Variants in MMEL1 observed in about 807,000 individuals in gnomAD.
MMEL1 encodes membrane metalloendopeptidase like 1, also known as membrane metallo-endopeptidase-like 1.
A neutral mutation model predicts 117.1 loss-of-function variants in MMEL1; 98 were observed. The ratio of observed to expected loss-of-function variants is 0.84; its 90% CI spans 0.71 to 0.99. The LOEUF (loss-of-function observed/expected upper bound fraction) is 0.99, where lower values mean the gene tolerates loss of function less well. MMEL1 is among the 50% of genes least tolerant of loss of function. MMEL1 has a pLI of 0.00. For missense variants in MMEL1, 1,014 were observed against 1,049.1 expected, an observed-to-expected ratio of 0.97 and a Z score of 0.46; for synonymous variants, 390 against 415.1, an observed-to-expected ratio of 0.94 and a Z score of 0.74.
chr1:2,607,475 T>C (rs1280296945), intron 6 of MMEL1, among the ~76,000 whole-genome samples: 4 of 41,428 alleles, frequency 9.7e-5, no homozygotes, highest in Non-Finnish European at 1.5e-4. Flanking sequence ...GTGGGTGGGC[T>C]GGGAGGGGGC....
At chr1:2,606,885 GT>G in intron 7 of MMEL1, 88 bp downstream of exon 7, 2 of 1,213,858 alleles carry the variant, frequency 1.6e-6, no homozygotes, top group Non-Finnish European at 2.4e-6. Flanking sequence ...TGGGGGTGGG[GT>G]CCCCTCCTGG....
At chr1:2,621,677 C>A (rs1181103255) in intron 2 of MMEL1, among the ~76,000 whole-genome samples, 1 of 152,122 alleles carries the variant, frequency 6.6e-6, no homozygotes, top group Non-Finnish European at 1.5e-5. Context: ...GATTCTCCTG[C>A]CTCAGCCTCC....
At chr1:2,610,414 C>T (rs976560596) in intron 4 of MMEL1, among the ~76,000 whole-genome samples, 11 of 152,144 alleles carry the variant, frequency 7.2e-5, no homozygotes, top group Non-Finnish European at 1.3e-4. Flanking sequence ...GGAACACCAG[C>T]GGTCTGACTT....
At chr1:2,604,503 T>C in intron 9 of MMEL1, among the ~76,000 whole-genome samples, 1 of 152,192 alleles carries the variant, frequency 6.6e-6, no homozygotes, top group Admixed American at 6.5e-5. Flanking sequence ...TCTGCAGGGC[T>C]GCTCAGGGCT....
chr1:2,629,460 C>G lies in MMEL1; in HGVS notation c.25G>C (p.Gly9Arg). 2 of 1,534,510 alleles carry G rather than the reference C, an allele frequency of 1.3e-6. No individual in the cohort carries two copies. The highest frequency in any genetic ancestry group is 1.8e-6 in the Non-Finnish European group (2 of 1,140,144). ...GCACGGCCGGCGCTCTCCACCATCC[C>G]CACTGGGCCTTCGGACTTCCCCATC... MGKSEGPV[G>R]MVESAGRAGQ... Residue 9 changes from glycine to arginine, a missense_variant, in exon 2 of 24, where the codon GGG becomes CGG. By Grantham distance (125) the Gly-to-Arg change is moderately radical. Transcript: ENST00000378412.
chr1:2,621,943 C>T (rs79819878), intron 2 of MMEL1, among the ~76,000 whole-genome samples: 3,874 of 152,222 alleles, frequency 0.025, 179 homozygotes, highest in African/African-American at 0.089. Flanking sequence ...CTAGGGCACA[C>T]GTCCTCAGGA....
At chr1:2,628,462 G>A (rs763565896) in intron 2 of MMEL1, among the ~76,000 whole-genome samples, 7 of 152,234 alleles carry the variant, frequency 4.6e-5, no homozygotes, top group Non-Finnish European at 1.0e-4. Context: ...TGCGAGGTCC[G>A]CCATGAGCTC....
At position 2,611,717 on chromosome 1, in the gene MMEL1, C is replaced by T. The variant is rs570273970; in HGVS notation, c.233-377G>A. Among the ~76,000 whole-genome samples the T allele has an allele frequency of 1.1e-4, 16 of 152,248 alleles. No individual in the cohort carries two copies. In the South Asian group the frequency reaches 2.9e-3, roughly 28 times the overall value. ...CTTTACACCCTCTGCCTCCATGTAC[C>T]CCCACAGCTGCCCCAGGCCCCAAGG... On this transcript the variant is annotated intron_variant, in intron 3 of 23. Transcript: ENST00000378412.
intron 2 of MMEL1, among the ~76,000 whole-genome samples, chr1:2,615,049 C>A (rs1645181395): frequency 1.3e-5 from 2 of 152,028 alleles, no homozygotes; most frequent in Non-Finnish European, 2.9e-5. Flanking sequence ...AAATAAATAT[C>A]TACAAATCAT....
At chr1:2,619,528 G>T (rs1645257299) in intron 2 of MMEL1, among the ~76,000 whole-genome samples, 1 of 151,836 alleles carries the variant, frequency 6.6e-6, no homozygotes, top group South Asian at 2.1e-4. Context: ...CATGGTGGCG[G>T]ACACCTGTAA....
chr1:2,625,912 G>A (rs1450347297), intron 2 of MMEL1, among the ~76,000 whole-genome samples: 1 of 148,644 alleles, frequency 6.7e-6, no homozygotes, highest in Admixed American at 6.8e-5. Flanking sequence ...GCCTCATGGG[G>A]AGTTCCCTAT....
chr1:2,629,896 A>T (rs1474056833), intron 1 of MMEL1: 1 of 166,552 alleles, frequency 6.0e-6, no homozygotes, highest in Non-Finnish European at 1.3e-5. Context: ...GCTGTCGGGG[A>T]GGCCACTTGG....
In MMEL1 at chr1:2,594,429, G is replaced by T; in HGVS notation, c.1703C>A (p.Ala568Glu). 1 of 1,551,476 alleles carries T rather than the reference G, an allele frequency of 6.4e-7. No homozygotes were observed. The highest frequency in any genetic ancestry group is 2.4e-5 in the East Asian group (1 of 40,986). Reference sequence around the variant, plus strand: ...GGAGTAGAACGCATTGACCACCGCCGCCCCGATGATCCAGCTGTGATAGAC... The same window carrying T: ...GGAGTAGAACGCATTGACCACCGCCTCCCCGATGATCCAGCTGTGATAGAC... The part of the protein sequence containing the change: ...KVDPNLWIIG[A>E]AVVNAFYSPN... Residue 568 changes from alanine (A) to glutamate (E), a missense_variant, in exon 18 of 24, where the codon GCG (alanine) becomes GAG (glutamate). Coordinates refer to ENST00000378412, the MANE Select transcript of MMEL1 (RefSeq NM_033467.4).
At position 2,591,555 on chromosome 1, in the gene MMEL1, G is replaced by T. The variant is rs765896359; in HGVS notation, c.2240+2C>A. ...AGGGGGTTGTGAGCATGGGAGACTT[G>T]CCTGTACTTCAGGGGACTGTGGACG... On this transcript the variant is annotated splice_donor_variant, in intron 23 of 23. Transcript: ENST00000378412. LOFTEE classifies it high-confidence loss of function. The T allele has an allele frequency of 1.9e-6, 3 of 1,613,542 alleles. No homozygotes were observed. Among genetic ancestry groups the T allele is most frequent in the Admixed American group, 1.7e-5 (1 of 60,012 alleles).
In MMEL1 at chr1:2,598,278, A is replaced by G; in HGVS notation, c.1201T>C (p.Trp401Arg). 2 of 1,614,122 alleles carry G rather than the reference A, an allele frequency of 1.2e-6. No homozygotes were observed. The highest frequency in any genetic ancestry group is 1.7e-6 in the Non-Finnish European group (2 of 1,180,022). ...SARTIQNYLVWRLVLDRIGSL... is the reference protein window; with the variant it reads ...SARTIQNYLVRRLVLDRIGSL... ...CCAATGCGGTCCAGCACCAGGCGCC[A>G]GACCAGGTAGTTCTGTATGGTCCTG... Residue 401 changes from tryptophan to arginine, a missense_variant, in exon 13 of 24, where the codon TGG becomes CGG. Transcript: ENST00000378412.
chr1:2,621,832 G>T (rs1450858124), intron 2 of MMEL1, among the ~76,000 whole-genome samples: 1 of 152,162 alleles, frequency 6.6e-6, no homozygotes, highest in African/African-American at 2.4e-5. Flanking sequence ...GAAGTGCTGG[G>T]ATTACAGGTG....
chr1:2,627,816 C>A (rs945127617), intron 2 of MMEL1, among the ~76,000 whole-genome samples: 14 of 152,180 alleles, frequency 9.2e-5, no homozygotes, highest in Non-Finnish European at 1.6e-4. Flanking sequence ...TGGGGTCATT[C>A]CTGGTGGGGG....
rs568893327 is a variant in MMEL1, at chr1:2,594,468, G to A, written c.1689-25C>T. On this transcript the variant is annotated intron_variant, in intron 17 of 23. Transcript: ENST00000378412. ...GCTGTGATAGACAAGCCGGTCTCTG[G>A]GAGCCGCCTCTCCGGGGACCCTCCC... 2.6e-6 allele frequency: 4 copies of A among 1,551,398 alleles called. No homozygotes were observed. In the South Asian group the frequency reaches 3.6e-5, roughly 14 times the overall value.
intron 13 of MMEL1, 128 bp from the exon 14 acceptor site, chr1:2,596,817 G>A: frequency 1.9e-6 from 2 of 1,071,918 alleles, no homozygotes; most frequent in African/African-American, 1.6e-5. Context: ...GGGCTAGCGG[G>A]GGCACGGGAT....
Sources: allele counts gnomAD v4.1 joint callset (sites outside exome capture counted in the v4.1 genomes callset), GRCh38; gene constraint gnomAD v4.1.1; transcripts MANE v1.5; gene names NCBI Gene and HGNC (gene_info 2026-07-23, HGNC 2026-07-21).